GRM8: variants seen among roughly 807,000 people sequenced by gnomAD.
The protein encoded by GRM8 is glutamate metabotropic receptor 8, also known as metabotropic glutamate receptor 8.
A neutral mutation model predicts 87.2 loss-of-function variants in GRM8; 47 were observed. The ratio of observed to expected loss-of-function variants is 0.54; its 90% CI spans 0.43 to 0.69. GRM8 has a LOEUF of 0.69. GRM8 is among the 30% of genes least tolerant of loss of function. GRM8 has a pLI of 0.00. For synonymous variants in GRM8, 396 were observed against 404.5 expected (o/e 0.98, Z 0.25); for missense variants, 1,019 against 1,139.2 (o/e 0.89, Z 1.52).
At chr7:126,697,168 A>G (rs1809474047) in intron 7 of GRM8, among the ~76,000 whole-genome samples, 1 of 16,616 alleles carries the variant, frequency 6.0e-5, no homozygotes, top group Non-Finnish European at 9.6e-5. Flanking sequence ...GTGGAATTAA[A>G]AAAAAAAAAA....
At chr7:126,940,844 G>A (rs1003204103) in intron 3 of GRM8, among the ~76,000 whole-genome samples, 8 of 152,064 alleles carry the variant, frequency 5.3e-5, no homozygotes, top group Admixed American at 1.3e-4. Context: ...TGGTTGTCCC[G>A]GCTAAGAGCC....
intron 9 of GRM8, among the ~76,000 whole-genome samples, chr7:126,460,827 A>C (rs530580461): frequency 6.6e-6 from 1 of 151,594 alleles, no homozygotes; most frequent in East Asian, 1.9e-4. Context: ...ATTTCATGAC[A>C]GTCATTACCT....
At chr7:127,135,101 T>G (rs1186486996) in intron 2 of GRM8, among the ~76,000 whole-genome samples, 1 of 152,072 alleles carries the variant, frequency 6.6e-6, no homozygotes, top group Non-Finnish European at 1.5e-5. Flanking sequence ...ACTTTACTAA[T>G]TTGGAATTAG....
intron 7 of GRM8, among the ~76,000 whole-genome samples, chr7:126,766,756 G>T (rs1301226902): frequency 6.6e-6 from 1 of 152,034 alleles, no homozygotes; most frequent in South Asian, 2.1e-4. Context: ...ACCTTGTTTT[G>T]GCCAATGGCC....
At chr7:126,955,389 A>T (rs1188533323) in intron 3 of GRM8, among the ~76,000 whole-genome samples, 1 of 152,172 alleles carries the variant, frequency 6.6e-6, no homozygotes, top group African/African-American at 2.4e-5. Context: ...CAAAAACTAG[A>T]ACTGCAGAAA....
chr7:127,177,149 G>A (rs1794158142), intron 2 of GRM8, among the ~76,000 whole-genome samples: 1 of 152,174 alleles, frequency 6.6e-6, no homozygotes, highest in African/African-American at 2.4e-5. Context: ...CAGACTCGGG[G>A]CTACTGGGGG....
chr7:127,068,852 T>G (rs1219187166), intron 3 of GRM8, among the ~76,000 whole-genome samples: 1 of 152,168 alleles, frequency 6.6e-6, no homozygotes, highest in African/African-American at 2.4e-5. Context: ...TGTGCTCTCC[T>G]GTTAGCTGAA....
intron 3 of GRM8, among the ~76,000 whole-genome samples, chr7:126,948,878 A>C (rs2131590753): frequency 6.6e-6 from 1 of 152,370 alleles, no homozygotes; most frequent in African/African-American, 2.4e-5. Context: ...GGGGAACCCC[A>C]GAGACCCACA....
intron 2 of GRM8, among the ~76,000 whole-genome samples, chr7:127,207,978 T>C (rs1038294333): frequency 2.0e-5 from 3 of 152,106 alleles, no homozygotes; most frequent in African/African-American, 4.8e-5. Flanking sequence ...ATAAGCACTA[T>C]TGAAACAACT....
intron 6 of GRM8, among the ~76,000 whole-genome samples, chr7:126,866,104 T>C (rs1305631272): frequency 6.6e-6 from 1 of 152,252 alleles, no homozygotes; most frequent in Non-Finnish European, 1.5e-5. Context: ...TCTGTCTTTT[T>C]TATAACAGCC....
chr7:127,228,003 G>T (rs114122336), intron 2 of GRM8, among the ~76,000 whole-genome samples: 13 of 152,332 alleles, frequency 8.5e-5, no homozygotes, highest in African/African-American at 3.1e-4. Context: ...CCTGCTCAAA[G>T]GCAGTCTTTT....
At chr7:126,800,399 C>A (rs922224690) in intron 6 of GRM8, among the ~76,000 whole-genome samples, 1 of 152,108 alleles carries the variant, frequency 6.6e-6, no homozygotes, top group South Asian at 2.1e-4. Context: ...GACTTTCCCC[C>A]CATTTTTCCC....
At chr7:126,902,909 T>C (rs1236727185) in intron 5 of GRM8, among the ~76,000 whole-genome samples, 2 of 152,162 alleles carry the variant, frequency 1.3e-5, no homozygotes, top group African/African-American at 4.8e-5. Context: ...CACCTGGCTC[T>C]ATGAATAAGT....
At chr7:126,806,358 A>G (rs1792709912) in intron 6 of GRM8, among the ~76,000 whole-genome samples, 1 of 152,368 alleles carries the variant, frequency 6.6e-6, no homozygotes, top group South Asian at 2.1e-4. Flanking sequence ...TACAGCTCAG[A>G]AAGCTGGCAC....
rs549663295 is a variant in GRM8 at position 126,636,791 on chromosome 7, A to C, written c.1358-27293T>G. Among the ~76,000 whole-genome samples, 49 of 152,256 alleles carry C rather than the reference A, an allele frequency of 3.2e-4. 2 individuals are homozygous for C. The highest frequency in any genetic ancestry group is 3.4e-3 in the Middle Eastern group (1 of 294). On this transcript the variant is annotated intron_variant, in intron 7 of 10. Coordinates refer to ENST00000339582, the MANE Select transcript of GRM8 (RefSeq NM_000845.3). ...AATAGGAATTTTTATAAAAATAACAAAAGCACAGTAATTGAAAGTGCCTTT... is the reference window on the plus strand; with the variant it reads ...AATAGGAATTTTTATAAAAATAACACAAGCACAGTAATTGAAAGTGCCTTT...
intron 9 of GRM8, among the ~76,000 whole-genome samples, chr7:126,457,091 A>G (rs1191587951): frequency 6.6e-6 from 1 of 151,510 alleles, no homozygotes; most frequent in East Asian, 2.0e-4. Context: ...GTGTGTGTGT[A>G]TTGAAGTCAA....
At chr7:126,919,128 G>A (rs955581533) in intron 3 of GRM8, among the ~76,000 whole-genome samples, 5 of 152,030 alleles carry the variant, frequency 3.3e-5, no homozygotes, top group African/African-American at 9.7e-5. Flanking sequence ...AGAAGCACTC[G>A]TTCAAGTTCA....
At chr7:126,801,589 C>T (rs974054611) in intron 6 of GRM8, among the ~76,000 whole-genome samples, 2 of 73,022 alleles carry the variant, frequency 2.7e-5, no homozygotes, top group South Asian at 4.2e-4. Context: ...TAAATATTTT[C>T]TTTTCTGTAT....
At chr7:126,522,571 C>G (rs1299350490) in intron 9 of GRM8, among the ~76,000 whole-genome samples, 2 of 152,088 alleles carry the variant, frequency 1.3e-5, no homozygotes, top group African/African-American at 2.4e-5. Context: ...GTGTTATTAA[C>G]AAGGAAAAAA....
Sources: gnomAD v4.1 joint callset for allele counts (sites outside exome capture counted in the v4.1 genomes callset) on GRCh38, gnomAD v4.1.1 for gene constraint, MANE v1.5 for transcripts, NCBI Gene and HGNC (gene_info 2026-07-23, HGNC 2026-07-21) for gene names.